BRSK2: variants seen among roughly 807,000 people sequenced by gnomAD.
The protein encoded by BRSK2 is serine/threonine-protein kinase BRSK2.
BRSK2 carries 19 observed loss-of-function variants against 83.3 expected under a neutral mutation model. The ratio of observed to expected loss-of-function variants is 0.23; its 90% CI spans 0.16 to 0.33. The LOEUF (loss-of-function observed/expected upper bound fraction) is 0.33, where lower values mean the gene tolerates loss of function less well. Ranked by LOEUF, BRSK2 falls within the 10% of genes least tolerant of loss-of-function variation. The pLI is 1.00. For synonymous variants in BRSK2, 519 were observed against 435.4 expected, an observed-to-expected ratio of 1.19 and a Z score of -2.39; for missense variants, 798 against 1,042.3, an observed-to-expected ratio of 0.77 and a Z score of 3.23.
intron 9 of BRSK2, 51 bp downstream of exon 9, chr11:1,445,053 C>G: frequency 6.3e-7 from 1 of 1,593,448 alleles, no homozygotes; most frequent in Non-Finnish European, 8.6e-7. Flanking sequence ...TTGCTGTGGC[C>G]TGGAGGCCCT....
At position 1,440,900 on chromosome 11, in the gene BRSK2, C is replaced by A. The variant is rs765866674; in HGVS notation, c.385C>A (p.Leu129Met). The change falls in exon 4 of 20, where the codon CTG becomes ATG. Residue 129 changes from leucine to methionine, a missense_variant. Leu to Met is a conservative substitution (Grantham distance 15). Around this residue, in one of 6 missense-constraint regions of BRSK2, gnomAD observed 109 missense variants for 259.2 expected, o/e 0.42. Transcript: ENST00000528841. Reference sequence around the variant, plus strand: ...GTTCTTCCGGCAGATCATCTCTGCGCTGGACTTCTGCCACAGCCACTCCAT... The same window carrying A: ...GTTCTTCCGGCAGATCATCTCTGCGATGGACTTCTGCCACAGCCACTCCAT... ...RKFFRQIISA[L>M]DFCHSHSICH... 6.2e-7 allele frequency: 1 copy of A among 1,609,384 alleles called. No homozygotes were observed. Among genetic ancestry groups the A allele is most frequent in the South Asian group, 1.1e-5 (1 of 90,752 alleles).
intron 1 of BRSK2, among the ~76,000 whole-genome samples, chr11:1,393,859 A>G (rs867601599): frequency 2.6e-5 from 4 of 151,944 alleles, no homozygotes; most frequent in African/African-American, 9.7e-5. Flanking sequence ...AGGTCCCTGG[A>G]GATGGGCCAT....
In BRSK2 at chr11:1,450,809, G is replaced by A. The variant is rs372241083; in HGVS notation, c.1495+15G>A. 1.9e-4 allele frequency: 304 copies of A among 1,581,890 alleles called. 1 individual carries two copies. The highest frequency in any genetic ancestry group is 9.3e-4 in the Middle Eastern group (5 of 5,378). Reference sequence around the variant, plus strand: ...GAAACTGCAAGGTGAGTGTCTGCCCGGAGGCGCCAGAGTGGGGCTGGGAGA... The same window carrying A: ...GAAACTGCAAGGTGAGTGTCTGCCCAGAGGCGCCAGAGTGGGGCTGGGAGA... On this transcript the variant is annotated intron_variant, in intron 14 of 19. Coordinates refer to ENST00000528841, the MANE Select transcript of BRSK2 (RefSeq NM_001256627.2).
At chr11:1,401,950 C>T (rs1846507684) in intron 1 of BRSK2, among the ~76,000 whole-genome samples, 1 of 152,214 alleles carries the variant, frequency 6.6e-6, no homozygotes, top group Non-Finnish European at 1.5e-5. Context: ...TGGTTCCGTG[C>T]TGAGGAGGGG....
intron 4 of BRSK2, 43 bp from the exon 5 acceptor site, chr11:1,442,447 G>A (rs1242125787): frequency 2.0e-6 from 3 of 1,533,528 alleles, no homozygotes; most frequent in East Asian, 4.5e-5. Context: ...AGGCGCTCAA[G>A]GCAGAGACTG....
rs2132991477 is a variant in BRSK2, at chr11:1,435,055, G to A, written c.92-985G>A. On this transcript the variant is annotated intron_variant, in intron 1 of 19. Coordinates refer to ENST00000528841, the MANE Select transcript of BRSK2 (RefSeq NM_001256627.2). ...TGCCCAGCCAAGGCACATTCCCAGA[G>A]CACCCTGCCTGCCTTTTAGGTGGGT... 1.3e-5 allele frequency among the ~76,000 whole-genome samples: 2 copies of A among 151,690 alleles called. 1 individual carries two copies. Among genetic ancestry groups the A allele is most frequent in the South Asian group, 4.2e-4 (2 of 4,756 alleles).
chr11:1,459,267 C>G, intron 19 of BRSK2, 28 bp downstream of exon 19: 1 of 1,611,346 alleles, frequency 6.2e-7, no homozygotes, highest in Non-Finnish European at 8.5e-7. Context: ...TCACCTGGCA[C>G]CTCCACCTGC....
chr11:1,416,962 C>T (rs986965766), intron 1 of BRSK2, among the ~76,000 whole-genome samples: 24 of 152,180 alleles, frequency 1.6e-4, no homozygotes, highest in Non-Finnish European at 2.8e-4. Context: ...CGTTCGAGAC[C>T]AGCCTGGCCA....
At chr11:1,456,994 G>A (rs759962645) in intron 18 of BRSK2, 4 of 1,597,124 alleles carry the variant, frequency 2.5e-6, no homozygotes, top group South Asian at 1.1e-5. Flanking sequence ...TGGGGTGCTG[G>A]GCTTAAGGGC....
chr11:1,435,662 G>A (rs935579176), intron 1 of BRSK2, among the ~76,000 whole-genome samples: 12 of 151,540 alleles, frequency 7.9e-5, no homozygotes, highest in East Asian at 2.0e-4. Context: ...TGGGGGTCTC[G>A]GCAGGGTGTG....
Position 1,449,814 on chromosome 11 carries a change from C to G in BRSK2, c.1265C>G (p.Thr422Ser). Residue 422 changes from threonine to serine, a missense_variant, in exon 13 of 20, where the codon ACC becomes AGC. Transcript: ENST00000528841. ...SISGASSGLSTSPLSSPRVTP... is the reference protein window; with the variant it reads ...SISGASSGLSSSPLSSPRVTP... Reference sequence around the variant, plus strand: ...AGCGGTGCCTCCTCAGGCCTTTCCACCAGCCCACTCAGCAGCCCCCGGGTG... The same window carrying G: ...AGCGGTGCCTCCTCAGGCCTTTCCAGCAGCCCACTCAGCAGCCCCCGGGTG... 5 of 1,612,188 alleles carry G rather than the reference C, an allele frequency of 3.1e-6. No homozygotes were observed. Among genetic ancestry groups the G allele is most frequent in the Non-Finnish European group, 4.2e-6 (5 of 1,179,502 alleles).
intron 1 of BRSK2, among the ~76,000 whole-genome samples, chr11:1,420,599 G>A (rs1242359855): frequency 7.9e-5 from 12 of 152,180 alleles, no homozygotes; most frequent in Admixed American, 7.9e-4. Flanking sequence ...GCCCCTCCAT[G>A]CAGGCCCTGC....
At position 1,445,925 on chromosome 11, in the gene BRSK2, C is replaced by G. The variant is rs756315254; in HGVS notation, c.1226+18C>G. 1 of 1,591,102 alleles carries G rather than the reference C, an allele frequency of 6.3e-7. No homozygotes were observed. The highest frequency in any genetic ancestry group is 1.1e-5 in the South Asian group (1 of 89,740). ...GGCCAGAGGTGTGTGTGCCCCGAGGCTGCTGGGCCTCCCTCCCTGGGCCCT... is the reference window on the plus strand; with the variant it reads ...GGCCAGAGGTGTGTGTGCCCCGAGGGTGCTGGGCCTCCCTCCCTGGGCCCT... On this transcript the variant is annotated intron_variant, in intron 12 of 19. Coordinates refer to ENST00000528841, the MANE Select transcript of BRSK2 (RefSeq NM_001256627.2).
intron 1 of BRSK2, among the ~76,000 whole-genome samples, chr11:1,394,791 C>G (rs1395031036): frequency 1.2e-5 from 1 of 83,188 alleles, no homozygotes; most frequent in Admixed American, 1.2e-4. Flanking sequence ...GAGATGGGTC[C>G]TGGAGATGGG....
At chr11:1,428,414 G>A (rs1849503174) in intron 1 of BRSK2, among the ~76,000 whole-genome samples, 1 of 152,200 alleles carries the variant, frequency 6.6e-6, no homozygotes, top group South Asian at 2.1e-4. Context: ...CTTCCATGTG[G>A]TCCACTGTCC....
At chr11:1,421,584 G>A (rs749233796) in intron 1 of BRSK2, among the ~76,000 whole-genome samples, 13 of 152,326 alleles carry the variant, frequency 8.5e-5, no homozygotes, top group Non-Finnish European at 1.9e-4. Context: ...GAGATGCGCC[G>A]CCCCTTCCCT....
At chr11:1,414,472 T>C (rs1055691648) in intron 1 of BRSK2, among the ~76,000 whole-genome samples, 1 of 152,148 alleles carries the variant, frequency 6.6e-6, no homozygotes, top group African/African-American at 2.4e-5. Flanking sequence ...AGCCTCAGAG[T>C]ATGCTAAGGT....
intron 1 of BRSK2, among the ~76,000 whole-genome samples, chr11:1,401,151 C>T (rs1053915947): frequency 6.6e-6 from 1 of 152,196 alleles, no homozygotes; most frequent in South Asian, 2.1e-4. Context: ...GCAGGGGACG[C>T]CCTGCCCACT....
chr11:1,456,629 G>T lies in BRSK2; in HGVS notation c.1881G>T (p.Glu627Asp). 6.2e-7 allele frequency: 1 copy of T among 1,611,146 alleles called. No homozygotes were observed. Among genetic ancestry groups the T allele is most frequent in the African/African-American group, 1.3e-5 (1 of 75,058 alleles). ...GCCGTCGCTTCAAGAGGGTGGTGGA[G>T]ACCATCCAGGCCCAGCTGCTGAGCA... ...GPSRRFKRVV[E>D]TIQAQLLSTH... The change falls in exon 18 of 20, where the codon GAG (glutamate) becomes GAT (aspartate). Residue 627 changes from glutamate (E) to aspartate (D), a missense_variant. By Grantham distance (45) the Glu-to-Asp change is conservative. This residue lies in a region of BRSK2 where 455 missense variants were observed against 455.2 expected (regional missense o/e 1.00). Coordinates refer to ENST00000528841, the MANE Select transcript of BRSK2 (RefSeq NM_001256627.2).
Sources: gnomAD v4.1 joint callset for allele counts (sites outside exome capture counted in the v4.1 genomes callset) on GRCh38, gnomAD v4.1.1 for gene constraint, gnomAD v4.1.1 regional missense constraint, MANE v1.5 for transcripts, NCBI Gene and HGNC (gene_info 2026-07-23, HGNC 2026-07-21) for gene names.